Variants in B3GALT1 observed in about 807,000 individuals in gnomAD.
The protein encoded by B3GALT1 is beta-1,3-galactosyltransferase 1, also known as UDP-Gal:betaGlcNAc beta 1,3-galactosyltransferase, polypeptide 1.
In B3GALT1, 10 loss-of-function variants were observed where a neutral mutation model predicts 23.2. The observed-to-expected ratio is 0.43, with a 90% CI of 0.27 to 0.73. The LOEUF (loss-of-function observed/expected upper bound fraction) is 0.73, where lower values mean the gene tolerates loss of function less well. Ranked by LOEUF, B3GALT1 falls within the 30% of genes least tolerant of loss-of-function variation. B3GALT1 has a pLI of 0.21. For missense variants in B3GALT1, 299 were observed against 405.4 expected (o/e 0.74, Z 2.25); for synonymous variants, 156 against 141.5 (o/e 1.10, Z -0.73).
chr2:167,682,437 T>A (rs944060880), intron 3 of B3GALT1, among the ~76,000 whole-genome samples: 1 of 152,238 alleles, frequency 6.6e-6, no homozygotes, highest in African/African-American at 2.4e-5. Flanking sequence ...TAAAATGCTC[T>A]GCCCTCTTCT....
chr2:167,869,307 GA>G lies in B3GALT1; in HGVS notation c.270del (p.Glu90AspfsTer23). On this transcript the variant is annotated frameshift_variant, in exon 5 of 5. Coordinates refer to ENST00000392690, the MANE Select transcript of B3GALT1 (RefSeq NM_020981.4). LOFTEE classifies it high-confidence loss of function. The surrounding 1 kb of genome is among the most constrained non-coding windows in gnomAD (Gnocchi z 6.4). ...TATCCTCATCAGCACCACTCACAAG[GA>G]ATTTGATGCCCGTCAGGCAATCAGA... ...LVILISTTHK[E>X]FDARQAIRET... is the part of the protein sequence containing the mutation. The G allele has an allele frequency of 6.2e-7, 1 of 1,614,128 alleles. No individual in the cohort carries two copies. Among genetic ancestry groups the G allele is most frequent in the Non-Finnish European group, 8.5e-7 (1 of 1,180,044 alleles).
chr2:167,320,162 T>C (rs1696787147), intron 1 of B3GALT1, among the ~76,000 whole-genome samples: 1 of 151,530 alleles, frequency 6.6e-6, no homozygotes, highest in South Asian at 2.1e-4. Context: ...TTTATGCAAT[T>C]CAACATCCTG....
At chr2:167,457,678 G>C (rs1435785823) in intron 1 of B3GALT1, among the ~76,000 whole-genome samples, 1 of 152,150 alleles carries the variant, frequency 6.6e-6, no homozygotes, top group East Asian at 1.9e-4. Flanking sequence ...AGGACCAGCA[G>C]AATGGCTGTG....
chr2:167,716,277 C>A (rs1027580389), intron 3 of B3GALT1, among the ~76,000 whole-genome samples: 1 of 152,220 alleles, frequency 6.6e-6, no homozygotes, highest in East Asian at 1.9e-4. Flanking sequence ...CCTCGGCCCC[C>A]CTGTTACACT....
intron 2 of B3GALT1, among the ~76,000 whole-genome samples, chr2:167,513,469 G>C (rs547892785): frequency 7.9e-5 from 12 of 152,144 alleles, no homozygotes; most frequent in Non-Finnish European, 1.3e-4. Context: ...AGACAATATG[G>C]AAATTTGAAC....
At chr2:167,472,712 C>G (rs1200688113) in intron 1 of B3GALT1, among the ~76,000 whole-genome samples, 3 of 152,034 alleles carry the variant, frequency 2.0e-5, no homozygotes, top group Non-Finnish European at 4.4e-5. Context: ...CTCATCCTTT[C>G]CTCCGCTTGC....
intron 4 of B3GALT1, among the ~76,000 whole-genome samples, chr2:167,853,884 T>TAATC (rs1225383652): frequency 6.6e-6 from 1 of 152,130 alleles, no homozygotes; most frequent in Non-Finnish European, 1.5e-5. Flanking sequence ...CTGAGAGAGA[T>TAATC]AATCAGTTGT....
intron 2 of B3GALT1, among the ~76,000 whole-genome samples, chr2:167,574,120 G>A (rs1684343533): frequency 6.6e-6 from 1 of 151,494 alleles, no homozygotes; most frequent in African/African-American, 2.4e-5. Context: ...ATATAAGAAA[G>A]AATATAAATT....
chr2:167,454,348 A>G (rs1022251457), intron 1 of B3GALT1, among the ~76,000 whole-genome samples: 5 of 152,230 alleles, frequency 3.3e-5, no homozygotes, highest in Non-Finnish European at 7.3e-5. Context: ...AGTATATAGC[A>G]GGGAATAGAT....
At chr2:167,338,734 A>G (rs1323187110) in intron 1 of B3GALT1, among the ~76,000 whole-genome samples, 1 of 152,108 alleles carries the variant, frequency 6.6e-6, no homozygotes, top group Non-Finnish European at 1.5e-5. Flanking sequence ...TAATGGAAAA[A>G]AGTGATTAAA....
In B3GALT1 at chr2:167,854,224, T is replaced by G. The variant is rs745839274; in HGVS notation, c.-229-14587T>G. Among the ~76,000 whole-genome samples, 79 of 152,286 alleles carry G rather than the reference T, an allele frequency of 5.2e-4. 1 individual carries two copies. The highest frequency in any genetic ancestry group is 1.9e-4 in the Non-Finnish European group (13 of 68,006). ...AGATTATCTTCATCTCATTTTATACTTAAAGAAATAGAGACAATGGTGTGT... is the reference window on the plus strand; with the variant it reads ...AGATTATCTTCATCTCATTTTATACGTAAAGAAATAGAGACAATGGTGTGT... On this transcript the variant is annotated intron_variant, in intron 4 of 4. Coordinates refer to ENST00000392690, the MANE Select transcript of B3GALT1 (RefSeq NM_020981.4).
intron 1 of B3GALT1, among the ~76,000 whole-genome samples, chr2:167,427,376 T>C (rs1465881081): frequency 6.6e-6 from 1 of 152,164 alleles, no homozygotes; most frequent in African/African-American, 2.4e-5. Flanking sequence ...TAAAAAGAAG[T>C]ATATGACCTT....
Position 167,451,366 on chromosome 2 carries a change from T to C in B3GALT1, c.-510-38811T>C, listed in dbSNP as rs115564193. ...CTAGGGCTCAAGGCTGCTGTTCACA[T>C]TTTTTTGTCCCATGGAGTATTTCCT... On this transcript the variant is annotated intron_variant, in intron 1 of 4. Transcript: ENST00000392690. 5.6e-3 allele frequency among the ~76,000 whole-genome samples: 849 copies of C among 152,270 alleles called. 9 individuals carry two copies. Among genetic ancestry groups the C allele is most frequent in the African/African-American group, 0.02 (812 of 41,558 alleles).
chr2:167,443,280 T>A (rs1490030545), intron 1 of B3GALT1, among the ~76,000 whole-genome samples: 2 of 152,206 alleles, frequency 1.3e-5, no homozygotes, highest in Non-Finnish European at 2.9e-5. Flanking sequence ...TACTGTAGCC[T>A]TGTAGTATAG....
chr2:167,486,546 C>T (rs1405288067), intron 1 of B3GALT1, among the ~76,000 whole-genome samples: 2 of 151,456 alleles, frequency 1.3e-5, no homozygotes, highest in Non-Finnish European at 2.9e-5. Flanking sequence ...GGTGAAACCA[C>T]GTCTCTACTA....
intron 3 of B3GALT1, among the ~76,000 whole-genome samples, chr2:167,652,831 C>T (rs1443396762): frequency 6.6e-6 from 1 of 152,156 alleles, no homozygotes; most frequent in Non-Finnish European, 1.5e-5. Context: ...ATTTAACATT[C>T]TGTATGTCTT....
At chr2:167,838,947 T>C (rs1385294741) in intron 4 of B3GALT1, among the ~76,000 whole-genome samples, 1 of 152,216 alleles carries the variant, frequency 6.6e-6, no homozygotes, top group East Asian at 1.9e-4. Flanking sequence ...TCTCAATAGA[T>C]GCAGAAAATG....
intron 3 of B3GALT1, among the ~76,000 whole-genome samples, chr2:167,704,183 CAAA>C (rs5836157): frequency 8.9e-6 from 1 of 112,920 alleles, no homozygotes; most frequent in Non-Finnish European, 1.7e-5. Context: ...TCAGTCTCAA[CAAA>C]AAAAAAAAAA....
At chr2:167,715,210 T>C in intron 3 of B3GALT1, 2 of 1,613,974 alleles carry the variant, frequency 1.2e-6, no homozygotes, top group South Asian at 2.2e-5. Context: ...CATCATCCGT[T>C]GTGTCTTCTT....
Sources: allele counts gnomAD v4.1 joint callset (sites outside exome capture counted in the v4.1 genomes callset), GRCh38; gene constraint gnomAD v4.1.1; non-coding constraint Gnocchi (gnomAD v3.1); transcripts MANE v1.5; gene names NCBI Gene and HGNC (gene_info 2026-07-23, HGNC 2026-07-21).